The following DIP2C variants were observed in gnomAD, a reference collection of about 807,000 sequenced individuals.
DIP2C encodes disco-interacting protein 2 homolog C.
DIP2C carries 33 observed loss-of-function variants against 192.4 expected under a neutral mutation model. That is an observed-to-expected ratio of 0.17 (90% confidence interval 0.13 to 0.23). The LOEUF (loss-of-function observed/expected upper bound fraction) is 0.23, where lower values mean the gene tolerates loss of function less well. DIP2C is among the 10% of genes least tolerant of loss of function. DIP2C has a pLI of 1.00. For synonymous variants in DIP2C, 979 were observed against 864.1 expected (o/e 1.13, Z -2.33); for missense variants, 1,537 against 2,110.1 (o/e 0.73, Z 5.32).
chr10:504,910 T>C (rs1276959949), intron 1 of DIP2C, among the ~76,000 whole-genome samples: 1 of 152,148 alleles, frequency 6.6e-6, no homozygotes, highest in Non-Finnish European at 1.5e-5. Flanking sequence ...AGCTCTTCAA[T>C]CTCCATTTCT....
intron 1 of DIP2C, among the ~76,000 whole-genome samples, chr10:631,652 T>C (rs1474732967): frequency 6.6e-6 from 1 of 152,228 alleles, no homozygotes; most frequent in East Asian, 1.9e-4. Context: ...GAGACAAATC[T>C]TTATCAAACA....
chr10:588,414 T>C (rs1851210454), intron 1 of DIP2C, among the ~76,000 whole-genome samples: 1 of 152,228 alleles, frequency 6.6e-6, no homozygotes, highest in African/African-American at 2.4e-5. Flanking sequence ...GGAGATTCCA[T>C]CTCCGGGGGT....
chr10:357,800 C>G (rs780491411), intron 23 of DIP2C, 28 bp downstream of exon 23: 2 of 1,570,138 alleles, frequency 1.3e-6, no homozygotes, highest in South Asian at 2.2e-5. Flanking sequence ...CGGGGACGGT[C>G]GGGGAGACTC....
At chr10:287,667 C>CA (rs1955220147) in intron 33 of DIP2C, among the ~76,000 whole-genome samples, 1 of 54,146 alleles carries the variant, frequency 1.8e-5, no homozygotes, top group South Asian at 7.0e-4. Flanking sequence ...GGGGCCGAAA[C>CA]GGAAAAAAAA....
intron 8 of DIP2C, among the ~76,000 whole-genome samples, chr10:411,421 G>C (rs1341823811): frequency 2.0e-5 from 3 of 152,204 alleles, no homozygotes; most frequent in African/African-American, 7.2e-5. Flanking sequence ...TGTTTTACAA[G>C]TTTATTCAGT....
intron 1 of DIP2C, among the ~76,000 whole-genome samples, chr10:512,922 G>GAA (rs60269783): frequency 0.057 from 5,231 of 91,858 alleles, 237 homozygotes; most frequent in African/African-American, 0.11. Flanking sequence ...CCCACTTCAG[G>GAA]AAAAAAAAAA....
intron 32 of DIP2C, among the ~76,000 whole-genome samples, chr10:294,571 G>A (rs1438461367): frequency 6.6e-6 from 1 of 151,312 alleles, no homozygotes; most frequent in East Asian, 1.9e-4. Context: ...TCCAGCCTGG[G>A]TGACAGAGTG....
At chr10:387,004 C>T (rs554185949) in intron 14 of DIP2C, among the ~76,000 whole-genome samples, 1 of 152,338 alleles carries the variant, frequency 6.6e-6, no homozygotes, top group South Asian at 2.1e-4. Context: ...CTACAACACA[C>T]ACAGACTGCC....
At chr10:367,185 A>G (rs886204890) in intron 18 of DIP2C, among the ~76,000 whole-genome samples, 1 of 152,250 alleles carries the variant, frequency 6.6e-6, no homozygotes, top group Non-Finnish European at 1.5e-5. Context: ...TGGGAGGCCG[A>G]GGCGGGCGGA....
chr10:327,292 A>G (rs1373070312), intron 30 of DIP2C, 116 bp from the exon 31 acceptor site: 20 of 1,201,484 alleles, frequency 1.7e-5, no homozygotes, highest in Non-Finnish European at 1.9e-5. Flanking sequence ...ACAGCTATGC[A>G]TTTCCAGGGC....
At chr10:494,796 A>C (rs1192800568) in intron 1 of DIP2C, among the ~76,000 whole-genome samples, 2 of 152,252 alleles carry the variant, frequency 1.3e-5, no homozygotes, top group Admixed American at 6.5e-5. Flanking sequence ...GTGGGAGTGC[A>C]AAGCAGAACA....
At chr10:563,869 AGT>A (rs1451495121) in intron 1 of DIP2C, among the ~76,000 whole-genome samples, 2 of 152,240 alleles carry the variant, frequency 1.3e-5, no homozygotes, top group African/African-American at 2.4e-5. Context: ...AAGGCAAATG[AGT>A]GTGAGTCATT....
At position 486,574 on chromosome 10, in the gene DIP2C, A is replaced by G. The variant is rs1368734805; in HGVS notation, c.86-44T>C. On this transcript the variant is annotated intron_variant, in intron 1 of 36. Transcript: ENST00000280886. Reference sequence around the variant, plus strand: ...GAAGTTCAGTATGGTCTCCGTGGATAGAGCATTATCATTCAACGGTGCCCA... The same window carrying G: ...GAAGTTCAGTATGGTCTCCGTGGATGGAGCATTATCATTCAACGGTGCCCA... The G allele has an allele frequency of 2.0e-6, 3 of 1,521,540 alleles. No homozygotes were observed. The Admixed American group carries it at 5.9e-5, about 30-fold the overall frequency. 94.3% of individuals were successfully genotyped at this position (1,521,540 alleles called of 1,614,324 possible). A position where few individuals can be genotyped will look rare whatever the true frequency, so the allele number is the denominator to read the frequency against.
intron 1 of DIP2C, among the ~76,000 whole-genome samples, chr10:688,976 A>T (rs1260370084): frequency 6.6e-6 from 1 of 152,180 alleles, no homozygotes; most frequent in African/African-American, 2.4e-5. Flanking sequence ...CAAGTTTCGC[A>T]TTGAAATCTG....
chr10:309,579 G>C (rs1956484560), intron 32 of DIP2C, among the ~76,000 whole-genome samples: 1 of 142,322 alleles, frequency 7.0e-6, no homozygotes, highest in Non-Finnish European at 1.5e-5. Flanking sequence ...TTTTTTTTGA[G>C]ACGGGATCTC....
chr10:578,982 T>G (rs868758289), intron 1 of DIP2C, among the ~76,000 whole-genome samples: 13 of 152,134 alleles, frequency 8.5e-5, no homozygotes, highest in African/African-American at 2.7e-4. Flanking sequence ...CCATGTAGTG[T>G]ACATATGTAG....
chr10:658,710 G>A (rs116814294), intron 1 of DIP2C, among the ~76,000 whole-genome samples: 126 of 152,284 alleles, frequency 8.3e-4, no homozygotes, highest in Middle Eastern at 3.4e-3. Flanking sequence ...CTTTAACAAG[G>A]AAGTATTAAC....
intron 9 of DIP2C, among the ~76,000 whole-genome samples, chr10:405,689 CCT>C (rs763878748): frequency 6.6e-6 from 1 of 152,192 alleles, no homozygotes; most frequent in Non-Finnish European, 1.5e-5. Context: ...TCCGTTCAAT[CCT>C]CTGTGTACTT....
chr10:429,723 T>C (rs1190395394), intron 4 of DIP2C, among the ~76,000 whole-genome samples: 1 of 151,942 alleles, frequency 6.6e-6, no homozygotes, highest in African/African-American at 2.4e-5. Context: ...CTCATTTATT[T>C]TCAGCATCCA....
Sources: gnomAD v4.1 joint callset for allele counts (sites outside exome capture counted in the v4.1 genomes callset) on GRCh38, gnomAD v4.1.1 for gene constraint, MANE v1.5 for transcripts, NCBI Gene and HGNC (gene_info 2026-07-23, HGNC 2026-07-21) for gene names.